PARD3B: variants seen among roughly 807,000 people sequenced by gnomAD.
PARD3B encodes the protein partitioning defective 3 homolog B.
In PARD3B, 103 loss-of-function variants were observed where a neutral mutation model predicts 130.2. The observed-to-expected ratio is 0.79, with a 90% confidence interval of 0.67 to 0.93. PARD3B has a LOEUF of 0.93. PARD3B is among the 40% of genes least tolerant of loss of function. PARD3B has a pLI of 0.00. For missense variants in PARD3B, 1,609 were observed against 1,499.2 expected (o/e 1.07, Z -1.21); for synonymous variants, 583 against 553.2 (o/e 1.05, Z -0.76).
rs1198170824 is a variant in PARD3B at position 205,572,776 on chromosome 2, C to T, written c.3260+19373C>T. 1.3e-5 allele frequency among the ~76,000 whole-genome samples: 2 copies of T among 152,108 alleles called. No individual in the cohort carries two copies. Among genetic ancestry groups the T allele is most frequent in the Non-Finnish European group, 1.5e-5 (1 of 68,010 alleles). On this transcript the variant is annotated intron_variant, in intron 22 of 22. Transcript: ENST00000406610. This position sits in a 1 kb window ranked among gnomAD's most constrained non-coding sequence, Gnocchi z 4.2. Reference sequence around the variant, plus strand: ...TAAATAAATTGGAGAGACAAGACTACAATCAGGAAGGGCATTGTGAAACTG... The same window carrying T: ...TAAATAAATTGGAGAGACAAGACTATAATCAGGAAGGGCATTGTGAAACTG...
chr2:205,317,184 A>G (rs1244187775), intron 18 of PARD3B, among the ~76,000 whole-genome samples: 1 of 152,344 alleles, frequency 6.6e-6, no homozygotes, highest in East Asian at 1.9e-4. Context: ...GATACTGAAT[A>G]GTAAGATGTC....
chr2:204,716,527 G>A (rs2038734425), intron 2 of PARD3B, among the ~76,000 whole-genome samples: 1 of 151,652 alleles, frequency 6.6e-6, no homozygotes, highest in South Asian at 2.1e-4. Context: ...TGTACTTGGG[G>A]AAGACAGTGG....
intron 10 of PARD3B, among the ~76,000 whole-genome samples, chr2:205,152,474 C>G (rs1690323385): frequency 1.3e-5 from 2 of 152,154 alleles, no homozygotes; most frequent in South Asian, 4.2e-4. Context: ...ACTCTTTTTT[C>G]TCTAAACTTC....
At chr2:205,394,411 C>G (rs1351633390) in intron 18 of PARD3B, among the ~76,000 whole-genome samples, 2 of 152,146 alleles carry the variant, frequency 1.3e-5, no homozygotes, top group African/African-American at 4.8e-5. Context: ...TTTACCAGCT[C>G]CATAAACAAG....
chr2:204,690,626 A>T (rs2037312327), intron 2 of PARD3B, among the ~76,000 whole-genome samples: 1 of 152,132 alleles, frequency 6.6e-6, no homozygotes, highest in Non-Finnish European at 1.5e-5. Context: ...AAGCCTCCAG[A>T]GAGAACACAG....
intron 14 of PARD3B, among the ~76,000 whole-genome samples, chr2:205,191,041 A>T (rs140300179): frequency 6.8e-6 from 1 of 147,816 alleles, no homozygotes; most frequent in Non-Finnish European, 1.5e-5. Flanking sequence ...GGCTTCGTGT[A>T]TTGAGAATGT....
chr2:205,386,517 G>A (rs1428196825), intron 18 of PARD3B, among the ~76,000 whole-genome samples: 2 of 152,150 alleles, frequency 1.3e-5, no homozygotes, highest in Non-Finnish European at 2.9e-5. Context: ...TAAGGGGAAA[G>A]TTATCCAGTC....
intron 2 of PARD3B, among the ~76,000 whole-genome samples, chr2:204,759,752 A>G (rs999092076): frequency 2.0e-5 from 3 of 152,098 alleles, no homozygotes; most frequent in Admixed American, 2.0e-4. Context: ...CACTAATTTT[A>G]TATTCCCACA....
intron 2 of PARD3B, among the ~76,000 whole-genome samples, chr2:204,756,467 A>C (rs1490171169): frequency 6.6e-6 from 1 of 152,184 alleles, no homozygotes; most frequent in Non-Finnish European, 1.5e-5. Context: ...GAATAAATAA[A>C]TCGAATAGCT....
chr2:205,479,895 A>ATT (rs71032475), intron 20 of PARD3B, among the ~76,000 whole-genome samples: 4,303 of 126,682 alleles, frequency 0.034, 173 homozygotes, highest in East Asian at 0.11. Flanking sequence ...GCCATATGCA[A>ATT]TTTTTTTTTT....
In PARD3B at chr2:204,758,233, G is replaced by A. The variant is rs150952686; in HGVS notation, c.222+71951G>A. On this transcript the variant is annotated intron_variant, in intron 2 of 22. Transcript: ENST00000406610. ...GATGGGTGTTCCAAGAAGGAAACCCGAAAGCTCAGTGCTTGCTTAAGGTCA... is the reference window on the plus strand; with the variant it reads ...GATGGGTGTTCCAAGAAGGAAACCCAAAAGCTCAGTGCTTGCTTAAGGTCA... Among the ~76,000 whole-genome samples, 273 of 152,206 alleles carry A rather than the reference G, an allele frequency of 1.8e-3. 1 individual carries two copies. Among genetic ancestry groups the A allele is most frequent in the African/African-American group, 6.0e-3 (249 of 41,526 alleles).
Position 204,623,886 on chromosome 2 carries a change from G to A in PARD3B, c.121-62295G>A, listed in dbSNP as rs2034391508. 6.6e-6 allele frequency among the ~76,000 whole-genome samples: 1 copy of A among 152,140 alleles called. No individual in the cohort carries two copies. The highest frequency in any genetic ancestry group is 2.4e-5 in the African/African-American group (1 of 41,436). Reference sequence around the variant, plus strand: ...TGTTTGAGTACTTTATGTACCTTGTGTAAGTAGAATCTTGCAGCATTTGTC... The same window carrying A: ...TGTTTGAGTACTTTATGTACCTTGTATAAGTAGAATCTTGCAGCATTTGTC... On this transcript the variant is annotated intron_variant, in intron 1 of 22. Coordinates refer to ENST00000406610, the MANE Select transcript of PARD3B (RefSeq NM_001302769.2). This position sits in a 1 kb window ranked among gnomAD's most constrained non-coding sequence, Gnocchi z 4.5.
At chr2:205,404,946 G>A (rs114254158) in intron 19 of PARD3B, among the ~76,000 whole-genome samples, 3,952 of 152,238 alleles carry the variant, frequency 0.026, 155 homozygotes, top group African/African-American at 0.089. Flanking sequence ...CCCTAGGATT[G>A]ATCTAACCTC....
chr2:205,185,535 G>A (rs917623767), intron 13 of PARD3B, among the ~76,000 whole-genome samples: 36 of 152,122 alleles, frequency 2.4e-4, no homozygotes, highest in African/African-American at 8.4e-4. Context: ...GGTTTGCTAG[G>A]GGTTGCCTGC....
chr2:205,098,420 T>C (rs1702537887), intron 4 of PARD3B, among the ~76,000 whole-genome samples: 1 of 152,136 alleles, frequency 6.6e-6, no homozygotes, highest in Admixed American at 6.5e-5. Context: ...TACTTATTGA[T>C]AGACAGGACC....
Position 205,309,004 on chromosome 2 carries a change from C to G in PARD3B, c.2630+7303C>G, listed in dbSNP as rs946196894. Among the ~76,000 whole-genome samples the G allele has an allele frequency of 6.6e-6, 1 of 152,234 alleles. No homozygotes were observed. Among genetic ancestry groups the G allele is most frequent in the Non-Finnish European group, 1.5e-5 (1 of 68,032 alleles). On this transcript the variant is annotated intron_variant, in intron 18 of 22. Coordinates refer to ENST00000406610, the MANE Select transcript of PARD3B (RefSeq NM_001302769.2). The surrounding 1 kb of genome is among the most constrained non-coding windows in gnomAD (Gnocchi z 4.7). The stretch of plus-strand genomic sequence containing the variant: ...AGCCCAAGCTACACTGAATTTTCAG[C>G]AGATACGTTATCAGAATTTAGCACA...
chr2:205,533,761 G>T (rs902834966), intron 21 of PARD3B, among the ~76,000 whole-genome samples: 2 of 152,062 alleles, frequency 1.3e-5, no homozygotes, highest in Admixed American at 6.6e-5. Context: ...ACAGGGTCTT[G>T]CTTTGTCACC....
At chr2:205,221,724 G>GTC (rs10624083) in intron 15 of PARD3B, among the ~76,000 whole-genome samples, 85,097 of 150,848 alleles carry the variant, frequency 0.56, 24,092 homozygotes, top group Admixed American at 0.66. Flanking sequence ...ACCTAGCACT[G>GTC]TCTCTCTCTC....
At chr2:204,626,438 T>C (rs1315992641) in intron 1 of PARD3B, among the ~76,000 whole-genome samples, 1 of 152,180 alleles carries the variant, frequency 6.6e-6, no homozygotes, top group East Asian at 1.9e-4. Flanking sequence ...GGCAAATGTT[T>C]CCACCAAAAA....
Sources: allele counts gnomAD v4.1 joint callset (sites outside exome capture counted in the v4.1 genomes callset), GRCh38; gene constraint gnomAD v4.1.1; non-coding constraint Gnocchi (gnomAD v3.1); transcripts MANE v1.5; gene names NCBI Gene and HGNC (gene_info 2026-07-23, HGNC 2026-07-21).